The following ANO4 variants were observed in gnomAD, a reference collection of about 807,000 sequenced individuals.
The protein encoded by ANO4 is anoctamin-4.
A neutral mutation model predicts 141.9 loss-of-function variants in ANO4; 69 were observed. That is an observed-to-expected ratio of 0.49 (90% CI 0.40 to 0.59). ANO4 has a LOEUF of 0.59. Ranked by LOEUF, ANO4 falls within the 20% of genes least tolerant of loss-of-function variation. The pLI, the probability that ANO4 is intolerant of heterozygous loss-of-function variation, is 0.00. For missense variants in ANO4, 894 were observed against 1,162.2 expected, an observed-to-expected ratio of 0.77 and a Z score of 3.36; for synonymous variants, 350 against 394.3, an observed-to-expected ratio of 0.89 and a Z score of 1.33.
chr12:100,832,071 A>G (rs2036660916), intron 1 of ANO4, among the ~76,000 whole-genome samples: 2 of 152,046 alleles, frequency 1.3e-5, no homozygotes, highest in Admixed American at 1.3e-4. Context: ...ACTGAGATCC[A>G]CCAGTTTCAG....
At chr12:100,823,537 A>G (rs929812356) in intron 1 of ANO4, among the ~76,000 whole-genome samples, 3 of 152,072 alleles carry the variant, frequency 2.0e-5, no homozygotes, top group Non-Finnish European at 4.4e-5. Context: ...TTTACATAAA[A>G]GATAGAAATC....
chr12:100,772,585 A>G (rs2033345923), intron 3 of ANO4, among the ~76,000 whole-genome samples: 1 of 152,228 alleles, frequency 6.6e-6, no homozygotes. Context: ...ATATGTGACC[A>G]GGGCAGATGC....
At chr12:100,789,088 T>A (rs950277796) in intron 3 of ANO4, among the ~76,000 whole-genome samples, 14 of 152,070 alleles carry the variant, frequency 9.2e-5, no homozygotes, top group African/African-American at 2.9e-4. Context: ...GCTACCTTCT[T>A]CCCACCACTC....
At chr12:101,054,538 C>T (rs1267484998) in intron 14 of ANO4, among the ~76,000 whole-genome samples, 1 of 152,132 alleles carries the variant, frequency 6.6e-6, no homozygotes, top group Non-Finnish European at 1.5e-5. Flanking sequence ...CTCGCTCTGT[C>T]CCCCAGGCTG....
At chr12:100,733,954 A>G in intron 2 of ANO4, 2 of 613,656 alleles carry the variant, frequency 3.3e-6, no homozygotes, top group Non-Finnish European at 5.8e-6. Context: ...GGAAGAAAAT[A>G]TAAATGCATA....
At chr12:101,090,092 GA>G (rs2049694085) in intron 17 of ANO4, among the ~76,000 whole-genome samples, 1 of 152,140 alleles carries the variant, frequency 6.6e-6, no homozygotes, top group Non-Finnish European at 1.5e-5. Context: ...AAAAAGTCAG[GA>G]AACAACAGGT....
intron 1 of ANO4, among the ~76,000 whole-genome samples, chr12:100,830,068 A>C (rs971385413): frequency 6.6e-6 from 1 of 152,078 alleles, no homozygotes; most frequent in Non-Finnish European, 1.5e-5. Flanking sequence ...GTAGGACTAT[A>C]GTCATTATGC....
intron 8 of ANO4, among the ~76,000 whole-genome samples, chr12:101,005,611 G>A (rs1221952944): frequency 6.6e-6 from 1 of 151,862 alleles, no homozygotes; most frequent in Non-Finnish European, 1.5e-5. Flanking sequence ...TCTGTAAATT[G>A]GAAATAATAA....
At chr12:100,988,615 G>A (rs2044852225) in intron 8 of ANO4, among the ~76,000 whole-genome samples, 1 of 151,510 alleles carries the variant, frequency 6.6e-6, no homozygotes. Flanking sequence ...GCTCACATCT[G>A]TAATACCTGC....
At chr12:100,905,815 G>A (rs1442592322) in intron 2 of ANO4, among the ~76,000 whole-genome samples, 1 of 152,170 alleles carries the variant, frequency 6.6e-6, no homozygotes, top group African/African-American at 2.4e-5. Flanking sequence ...TCAGTGAGAG[G>A]ATGAGAGCTA....
chr12:101,098,368 G>T (rs1281095587), intron 21 of ANO4, among the ~76,000 whole-genome samples: 4 of 152,190 alleles, frequency 2.6e-5, no homozygotes, highest in Non-Finnish European at 5.9e-5. Flanking sequence ...ACTTGGTAAG[G>T]ATGACCTTGA....
At chr12:100,962,629 C>T (rs75811247) in intron 5 of ANO4, among the ~76,000 whole-genome samples, 7,130 of 152,286 alleles carry the variant, frequency 0.047, 247 homozygotes, top group Middle Eastern at 0.095. Context: ...ATTTAGTTTT[C>T]CTTGTGGTTG....
At chr12:100,876,325 A>G (rs1318843958) in intron 1 of ANO4, among the ~76,000 whole-genome samples, 1 of 150,422 alleles carries the variant, frequency 6.6e-6, no homozygotes, top group Non-Finnish European at 1.5e-5. Flanking sequence ...TGGAATTGCT[A>G]GTGATGTCGA....
chr12:100,731,043 C>G (rs1418942576), intron 1 of ANO4, among the ~76,000 whole-genome samples: 1 of 152,144 alleles, frequency 6.6e-6, no homozygotes, highest in East Asian at 1.9e-4. Context: ...TTCTTTCCTG[C>G]TAAGAACATT....
intron 1 of ANO4, among the ~76,000 whole-genome samples, chr12:100,824,490 G>C (rs1224859121): frequency 6.6e-6 from 1 of 151,998 alleles, no homozygotes; most frequent in Non-Finnish European, 1.5e-5. Flanking sequence ...TAGATATACA[G>C]ATTTTCTAAA....
intron 3 of ANO4, among the ~76,000 whole-genome samples, chr12:100,747,317 T>C (rs2032155990): frequency 6.6e-6 from 1 of 152,132 alleles, no homozygotes; most frequent in Non-Finnish European, 1.5e-5. Context: ...GGGGGGAATT[T>C]TTTTCCAAAG....
At chr12:101,043,742 A>T in intron 13 of ANO4, 107 bp downstream of exon 13, 1 of 786,090 alleles carries the variant, frequency 1.3e-6, no homozygotes, top group Admixed American at 2.1e-5. Flanking sequence ...TTTTCAAGTG[A>T]ATGTTGTAGG....
intron 1 of ANO4, among the ~76,000 whole-genome samples, chr12:100,719,060 G>A (rs1348413751): frequency 6.6e-6 from 1 of 152,150 alleles, no homozygotes; most frequent in Non-Finnish European, 1.5e-5. Context: ...GTCAGAATAA[G>A]TGAAATCATT....
At chr12:101,079,663 T>G (rs1429170058) in intron 15 of ANO4, among the ~76,000 whole-genome samples, 2 of 152,198 alleles carry the variant, frequency 1.3e-5, no homozygotes, top group East Asian at 3.8e-4. Context: ...CCAAAGGCAG[T>G]GTGTCTGTGA....
Sources: gnomAD v4.1 joint callset for allele counts (sites outside exome capture counted in the v4.1 genomes callset) on GRCh38, gnomAD v4.1.1 for gene constraint, MANE v1.5 for transcripts, NCBI Gene and HGNC (gene_info 2026-07-23, HGNC 2026-07-21) for gene names.